CELF5: variants seen among roughly 807,000 people sequenced by gnomAD.
CELF5 encodes CUG-BP and ETR-3 like factor 5.
Under a neutral mutation model 54.9 loss-of-function variants are expected in CELF5, and 6 were observed. The observed-to-expected ratio is 0.11, with a 90% CI of 0.06 to 0.22. The LOEUF (loss-of-function observed/expected upper bound fraction) is 0.22, where lower values mean the gene tolerates loss of function less well. CELF5 is among the 10% of genes least tolerant of loss of function. The pLI, the probability that CELF5 is intolerant of heterozygous loss-of-function variation, is 1.00. For missense variants in CELF5, 401 were observed against 678.6 expected (o/e 0.59, Z 4.54); for synonymous variants, 271 against 290.9 (o/e 0.93, Z 0.70).
chr19:3,262,174 A>T (rs2079815067), intron 2 of CELF5, among the ~76,000 whole-genome samples: 1 of 151,944 alleles, frequency 6.6e-6, no homozygotes, highest in African/African-American at 2.4e-5. Flanking sequence ...AGCTGGGATT[A>T]CAGGCACGCA....
Position 3,275,680 on chromosome 19 carries a change from G to C in CELF5, c.395-176G>C, listed in dbSNP as rs2080036591. Among the ~76,000 whole-genome samples the C allele has an allele frequency of 6.6e-6, 1 of 152,180 alleles. No individual in the cohort carries two copies. The highest frequency in any genetic ancestry group is 2.4e-5 in the African/African-American group (1 of 41,466). ...GGCCCGTGGGAGGGTGGAGAGATCC[G>C]GGGCAGGGAAAGGGCGCGGCTGGGT... On this transcript the variant is annotated intron_variant, in intron 3 of 12. Transcript: ENST00000292672. The surrounding 1 kb of genome is among the most constrained non-coding windows in gnomAD (Gnocchi z 6.7).
intron 10 of CELF5, among the ~76,000 whole-genome samples, chr19:3,287,977 A>G (rs1393563538): frequency 6.6e-6 from 1 of 152,094 alleles, no homozygotes; most frequent in Non-Finnish European, 1.5e-5. Flanking sequence ...GAAACGGTGG[A>G]GGGAGGGTTG....
chr19:3,275,021 GTCTC>G lies in CELF5; in HGVS notation c.395-826_395-823del, dbSNP rs755676004. ...TTCGCGCGCACTCTCTCTCTGATCT[GTCTC>G]TCTCTCTCCCTGATTCTCAGTCTCT... is the stretch of plus-strand genomic sequence containing the variant. On this transcript the variant is annotated intron_variant, in intron 3 of 12. Coordinates refer to ENST00000292672, the MANE Select transcript of CELF5 (RefSeq NM_021938.4). This position sits in a 1 kb window ranked among gnomAD's most constrained non-coding sequence, Gnocchi z 6.7. Among the ~76,000 whole-genome samples, 11 of 151,290 alleles carry G rather than the reference GTCTC, an allele frequency of 7.3e-5. No individual in the cohort carries two copies. The highest frequency in any genetic ancestry group is 1.9e-4 in the East Asian group (1 of 5,156).
At chr19:3,292,769 G>A (rs185199337) in intron 11 of CELF5, among the ~76,000 whole-genome samples, 139 of 152,238 alleles carry the variant, frequency 9.1e-4, no homozygotes, top group African/African-American at 3.0e-3. Context: ...GGTGGTATGG[G>A]CCTGTGGTCC....
intron 10 of CELF5, among the ~76,000 whole-genome samples, chr19:3,288,343 G>A (rs1241345419): frequency 1.3e-5 from 2 of 151,748 alleles, no homozygotes; most frequent in African/African-American, 2.4e-5. Flanking sequence ...ACAACATGGC[G>A]AAACCCTGTC....
At chr19:3,234,287 T>A (rs1917417135) in intron 1 of CELF5, among the ~76,000 whole-genome samples, 1 of 151,956 alleles carries the variant, frequency 6.6e-6, no homozygotes. Flanking sequence ...TTCAAGAGAT[T>A]GGCATCTCAC....
intron 1 of CELF5, among the ~76,000 whole-genome samples, chr19:3,237,537 C>A (rs577617411): frequency 2.5e-3 from 378 of 152,232 alleles, no homozygotes; most frequent in Non-Finnish European, 4.8e-3. Context: ...CGTTTGTAAA[C>A]TGTCGTGGCG....
chr19:3,236,199 G>A (rs888961202), intron 1 of CELF5, among the ~76,000 whole-genome samples: 1 of 152,190 alleles, frequency 6.6e-6, no homozygotes, highest in Non-Finnish European at 1.5e-5. Context: ...CAGTAAAAAG[G>A]GGGCAGAGAG....
intron 5 of CELF5, among the ~76,000 whole-genome samples, chr19:3,280,846 C>T (rs946208375): frequency 1.3e-5 from 2 of 152,158 alleles, no homozygotes; most frequent in African/African-American, 4.8e-5. Flanking sequence ...CACCTGTTCT[C>T]AGGTGAGCGG....
At chr19:3,296,139 A>G (rs2080439434) in intron 12 of CELF5, 1 of 150,962 alleles carries the variant, frequency 6.6e-6, no homozygotes, top group African/African-American at 2.4e-5. Context: ...ATCAAACCAC[A>G]ATGGATTTTT....
Position 3,228,875 on chromosome 19 carries a change from CGTGTGTGTGTGTGTGTGTGTGT to C in CELF5, c.259+3896_259+3917del, listed in dbSNP as rs60632293. On this transcript the variant is annotated intron_variant, in intron 1 of 12. Coordinates refer to ENST00000292672, the MANE Select transcript of CELF5 (RefSeq NM_021938.4). The surrounding 1 kb of genome is among the most constrained non-coding windows in gnomAD (Gnocchi z 6.0). The stretch of plus-strand genomic sequence containing the variant: ...GGGGGTGGCTGGCAGGGTTGGCCGG[CGTGTGTGTGTGTGTGTGTGTGT>C]GTGTGTGTGTGTGTGTGTACGCGGG... Among the ~76,000 whole-genome samples the C allele has an allele frequency of 1.6e-5, 2 of 124,108 alleles. No individual in the cohort carries two copies. Among genetic ancestry groups the C allele is most frequent in the African/African-American group, 6.3e-5 (2 of 31,846 alleles). The allele number at this position is 124,108 out of a possible 152,430, so 81.4% of individuals were successfully genotyped here.
chr19:3,247,806 G>A (rs998511619), intron 1 of CELF5, among the ~76,000 whole-genome samples: 1 of 152,032 alleles, frequency 6.6e-6, no homozygotes, highest in Non-Finnish European at 1.5e-5. Flanking sequence ...CTGTTGCCCA[G>A]GCTGGAGTGC....
intron 2 of CELF5, among the ~76,000 whole-genome samples, chr19:3,267,576 C>T (rs1183392188): frequency 6.6e-6 from 1 of 152,184 alleles, no homozygotes; most frequent in East Asian, 1.9e-4. Context: ...GCAGAGGGTC[C>T]AGCTTCTGTC....
Position 3,281,251 on chromosome 19 carries a change from C to G in CELF5, c.656C>G (p.Thr219Arg). 1 of 1,610,982 alleles carries G rather than the reference C, an allele frequency of 6.2e-7. No homozygotes were observed. Among genetic ancestry groups the G allele is most frequent in the Non-Finnish European group, 8.5e-7 (1 of 1,179,878 alleles). Residue 219 changes from threonine to arginine, a missense_variant, in exon 6 of 13, where the codon ACG (threonine) becomes AGG (arginine). Thr to Arg is a moderately conservative substitution (Grantham distance 71). Around this residue, in one of 6 missense-constraint regions of CELF5, gnomAD observed 87 missense variants for 190.2 expected, o/e 0.46. Coordinates refer to ENST00000292672, the MANE Select transcript of CELF5 (RefSeq NM_021938.4). This position sits in a 1 kb window ranked among gnomAD's most constrained non-coding sequence, Gnocchi z 6.5. ...TTCGCCGACACGGACAAGGAGCGGA[C>G]GCTCCGGCGCATGCAGCAGATGGTG... ...VKFADTDKER[T>R]LRRMQQMVGQ...
At chr19:3,277,888 GCTGT>G (rs1401946169) in intron 4 of CELF5, 139 bp from the exon 5 acceptor site, 27 of 645,564 alleles carry the variant, frequency 4.2e-5, no homozygotes, top group African/African-American at 3.2e-4. Context: ...CAAACGGCTG[GCTGT>G]CTTTCTGTTA....
chr19:3,249,527 C>T (rs1168790674), intron 1 of CELF5, among the ~76,000 whole-genome samples: 2 of 151,944 alleles, frequency 1.3e-5, no homozygotes, highest in East Asian at 1.9e-4. Flanking sequence ...CCTAATGTTG[C>T]CCAATCACAG....
chr19:3,227,354 T>C (rs1026701606), intron 1 of CELF5, among the ~76,000 whole-genome samples: 12 of 152,134 alleles, frequency 7.9e-5, no homozygotes, highest in East Asian at 1.9e-4. Context: ...GTCAGGATTT[T>C]TGGGGAGAGG....
chr19:3,294,249 G>A (rs899393325), intron 12 of CELF5: 1 of 152,112 alleles, frequency 6.6e-6, no homozygotes, highest in African/African-American at 2.4e-5. Context: ...ACTTAACCGT[G>A]GGTCTCAAAC....
intron 2 of CELF5, among the ~76,000 whole-genome samples, chr19:3,266,497 G>A (rs538273319): frequency 4.4e-4 from 67 of 152,198 alleles, no homozygotes; most frequent in Admixed American, 2.0e-3. Context: ...CGTCTTGGGC[G>A]TTTTCACTGC....
Sources: gnomAD v4.1 joint callset for allele counts (sites outside exome capture counted in the v4.1 genomes callset) on GRCh38, gnomAD v4.1.1 for gene constraint, gnomAD v4.1.1 regional missense constraint, Gnocchi (gnomAD v3.1) non-coding constraint, MANE v1.5 for transcripts, NCBI Gene and HGNC (gene_info 2026-07-23, HGNC 2026-07-21) for gene names.